SLAMF6: variants seen among roughly 807,000 people sequenced by gnomAD.
SLAMF6 encodes the protein SLAM family member 6.
A neutral mutation model predicts 38.3 loss-of-function variants in SLAMF6; 21 were observed. The ratio of observed to expected loss-of-function variants is 0.55; its 90% confidence interval spans 0.39 to 0.79. SLAMF6 has a LOEUF of 0.79. SLAMF6 is among the 30% of genes least tolerant of loss of function. The pLI, the probability that SLAMF6 is intolerant of heterozygous loss-of-function variation, is 0.00. For missense variants in SLAMF6, 341 were observed against 385.3 expected, an observed-to-expected ratio of 0.89 and a Z score of 0.96; for synonymous variants, 152 against 146.3, an observed-to-expected ratio of 1.04 and a Z score of -0.28.
At position 160,496,413 on chromosome 1, in the gene SLAMF6, G is replaced by C; in HGVS notation, c.50-20C>G. 6.2e-7 allele frequency: 1 copy of C among 1,606,958 alleles called. No individual in the cohort carries two copies. ...CATTCCCTGTAAACACAGAAGGAAA[G>C]GTTTTAAAAATGTTCCTGACCATCT... On this transcript the variant is annotated intron_variant, in intron 1 of 7. Transcript: ENST00000368057.
chr1:160,503,167 G>A (rs564425906), intron 1 of SLAMF6, among the ~76,000 whole-genome samples: 1 of 152,106 alleles, frequency 6.6e-6, no homozygotes, highest in African/African-American at 2.4e-5. Context: ...GAAGAAGTTG[G>A]AATATTTCGC....
intron 1 of SLAMF6, among the ~76,000 whole-genome samples, chr1:160,506,534 A>G (rs1654197936): frequency 6.6e-6 from 1 of 152,200 alleles, no homozygotes; most frequent in Admixed American, 6.5e-5. Context: ...GGAATCTTTC[A>G]GGCTGAAATA....
intron 1 of SLAMF6, among the ~76,000 whole-genome samples, chr1:160,516,392 T>C (rs1167197217): frequency 6.6e-6 from 1 of 152,166 alleles, no homozygotes; most frequent in Non-Finnish European, 1.5e-5. Flanking sequence ...TGCTCATGGA[T>C]AGGAAGAATC....
At chr1:160,496,835 T>G (rs921267534) in intron 1 of SLAMF6, among the ~76,000 whole-genome samples, 2 of 152,242 alleles carry the variant, frequency 1.3e-5, no homozygotes, top group Non-Finnish European at 2.9e-5. Context: ...ATAGTAGGCT[T>G]GTGCAACTTA....
chr1:160,489,677 T>C (rs899838787), intron 5 of SLAMF6, among the ~76,000 whole-genome samples: 2 of 152,182 alleles, frequency 1.3e-5, no homozygotes, highest in African/African-American at 4.8e-5. Flanking sequence ...TCTTCTGACT[T>C]CAAACCTTAT....
At chr1:160,498,521 C>T (rs749505624) in intron 1 of SLAMF6, among the ~76,000 whole-genome samples, 7 of 152,124 alleles carry the variant, frequency 4.6e-5, no homozygotes, top group Non-Finnish European at 1.0e-4. Flanking sequence ...TGCAGGGGAA[C>T]TCCCCTTTAT....
rs117298563 is a variant in SLAMF6 at position 160,499,929 on chromosome 1, A to G, written c.50-3536T>C. ...TTTATTCCTCTTTCCTCTGAATCAC[A>G]TGGGTGAATACCACAAGCAACATTT... On this transcript the variant is annotated intron_variant, in intron 1 of 7. Transcript: ENST00000368057. Among the ~76,000 whole-genome samples the G allele has an allele frequency of 4.1e-3, 625 of 152,348 alleles. 28 individuals are homozygous for G. In the South Asian group the frequency reaches 0.058, roughly 14 times the overall value.
intron 1 of SLAMF6, among the ~76,000 whole-genome samples, chr1:160,513,592 A>G (rs1654600539): frequency 6.6e-6 from 1 of 152,208 alleles, no homozygotes; most frequent in African/African-American, 2.4e-5. Flanking sequence ...GAAGGAAAAA[A>G]TGTTAAGGGC....
At chr1:160,501,732 C>T (rs545619178) in intron 1 of SLAMF6, among the ~76,000 whole-genome samples, 125 of 146,678 alleles carry the variant, frequency 8.5e-4, no homozygotes, top group Non-Finnish European at 1.5e-3. Context: ...TTTCCCTCTG[C>T]TTAAAATGCC....
chr1:160,498,748 A>G (rs973922373), intron 1 of SLAMF6, among the ~76,000 whole-genome samples: 1 of 152,018 alleles, frequency 6.6e-6, no homozygotes, highest in Non-Finnish European at 1.5e-5. Context: ...CTTTTTAATA[A>G]TAGCCATTCT....
At chr1:160,510,393 T>A (rs914688679) in intron 1 of SLAMF6, among the ~76,000 whole-genome samples, 1 of 152,144 alleles carries the variant, frequency 6.6e-6, no homozygotes, top group Non-Finnish European at 1.5e-5. Context: ...TTATACACCA[T>A]GACCAAGTAG....
chr1:160,493,986 C>T (rs1001718822), intron 2 of SLAMF6, among the ~76,000 whole-genome samples: 4 of 152,160 alleles, frequency 2.6e-5, no homozygotes, highest in Admixed American at 6.5e-5. Context: ...CCTCCCTTGA[C>T]ATGTAGGGAT....
At chr1:160,497,485 C>G (rs1282158166) in intron 1 of SLAMF6, among the ~76,000 whole-genome samples, 1 of 152,154 alleles carries the variant, frequency 6.6e-6, no homozygotes, top group Non-Finnish European at 1.5e-5. Context: ...CCTCAACCTT[C>G]TCAGGATCTC....
chr1:160,489,014 T>G, intron 6 of SLAMF6, 74 bp downstream of exon 6: 1 of 1,359,342 alleles, frequency 7.4e-7, no homozygotes. Context: ...TTCAGTCAGA[T>G]GGTTATGGTG....
intron 1 of SLAMF6, 127 bp downstream of exon 1, chr1:160,523,017 C>A: frequency 3.3e-6 from 3 of 922,486 alleles, no homozygotes; most frequent in South Asian, 1.5e-5. Flanking sequence ...ACACTGCCAG[C>A]GTCCCCTTTC....
intron 7 of SLAMF6, 73 bp from the exon 8 acceptor site, chr1:160,486,827 G>A: frequency 6.6e-7 from 1 of 1,514,080 alleles, no homozygotes; most frequent in African/African-American, 1.4e-5. Context: ...TAACTACAGA[G>A]AGAGGACTGG....
chr1:160,508,946 A>C lies in SLAMF6; in HGVS notation c.50-12553T>G, dbSNP rs145914642. Among the ~76,000 whole-genome samples, 148 of 152,354 alleles carry C rather than the reference A, an allele frequency of 9.7e-4. 1 individual carries two copies. In the Middle Eastern group the frequency reaches 0.014, roughly 14 times the overall value. The stretch of plus-strand genomic sequence containing the variant: ...CATCAGAGAAATGCAAACCAAAATC[A>C]CAATGAGATACCATCTCACACCAGT... On this transcript the variant is annotated intron_variant, in intron 1 of 7. Transcript: ENST00000368057.
chr1:160,516,694 T>C (rs763957957), intron 1 of SLAMF6, among the ~76,000 whole-genome samples: 3 of 151,840 alleles, frequency 2.0e-5, no homozygotes, highest in Non-Finnish European at 2.9e-5. Context: ...AGAGAACCCA[T>C]AAATAAGACT....
intron 1 of SLAMF6, among the ~76,000 whole-genome samples, chr1:160,513,645 C>T (rs537536342): frequency 6.6e-6 from 1 of 152,288 alleles, no homozygotes; most frequent in East Asian, 1.9e-4. Flanking sequence ...GGAAGCCCAT[C>T]AGAATAACAT....
Sources: gnomAD v4.1 joint callset for allele counts (sites outside exome capture counted in the v4.1 genomes callset) on GRCh38, gnomAD v4.1.1 for gene constraint, MANE v1.5 for transcripts, NCBI Gene and HGNC (gene_info 2026-07-23, HGNC 2026-07-21) for gene names.